Variants in DTD1 observed in about 807,000 individuals in gnomAD.
DTD1 encodes the protein D-aminoacyl-tRNA deacylase 1.
In DTD1, 13 loss-of-function variants were observed where a neutral mutation model predicts 25.6. The observed-to-expected ratio is 0.51, with a 90% confidence interval of 0.33 to 0.81. The LOEUF is 0.81. Among genes scored for constraint, DTD1 ranks in the 30% least tolerant of loss-of-function variants. The probability of loss-of-function intolerance (pLI) is 0.02; values close to 1 mark genes in which losing one functional copy is unlikely to be tolerated. For missense variants in DTD1, 193 were observed against 266.4 expected (o/e 0.72, Z 1.92); for synonymous variants, 110 against 103.6 (o/e 1.06, Z -0.37).
chr20:18,613,049 G>A (rs1411935849), intron 3 of DTD1, among the ~76,000 whole-genome samples: 1 of 152,098 alleles, frequency 6.6e-6, no homozygotes, highest in Non-Finnish European at 1.5e-5. Context: ...GGGGTTTTTG[G>A]GCCTCATTTG....
At chr20:18,762,290 G>T (rs543591512) in intron 5 of DTD1, among the ~76,000 whole-genome samples, 1 of 152,268 alleles carries the variant, frequency 6.6e-6, no homozygotes, top group South Asian at 2.1e-4. Context: ...AGATCTGAGG[G>T]AATAGAAACT....
chr20:18,683,380 T>C (rs2061004688), intron 4 of DTD1, among the ~76,000 whole-genome samples: 2 of 152,246 alleles, frequency 1.3e-5, no homozygotes, highest in Non-Finnish European at 2.9e-5. Flanking sequence ...CAATATTGTC[T>C]AAGACATTAT....
chr20:18,712,768 C>A (rs1053274048), intron 4 of DTD1, among the ~76,000 whole-genome samples: 1 of 152,202 alleles, frequency 6.6e-6, no homozygotes, highest in Non-Finnish European at 1.5e-5. Flanking sequence ...AAGCATAGAA[C>A]AATCATGACC....
chr20:18,621,537 A>C (rs1192467221), intron 3 of DTD1, among the ~76,000 whole-genome samples: 2 of 152,168 alleles, frequency 1.3e-5, no homozygotes, highest in African/African-American at 4.8e-5. Flanking sequence ...TTATTACTGA[A>C]GTACTTGCTT....
intron 4 of DTD1, among the ~76,000 whole-genome samples, chr20:18,673,345 A>G (rs1457086984): frequency 6.6e-6 from 1 of 152,202 alleles, no homozygotes; most frequent in African/African-American, 2.4e-5. Context: ...GAATATATCT[A>G]TGAATCATAT....
chr20:18,630,739 T>G (rs2060783905), intron 4 of DTD1: 1 of 152,230 alleles, frequency 6.6e-6, no homozygotes, highest in Non-Finnish European at 1.5e-5. Context: ...TAGTTGTCAT[T>G]TCTGCTTAGT....
chr20:18,681,337 G>T (rs2060995906), intron 4 of DTD1, among the ~76,000 whole-genome samples: 1 of 152,176 alleles, frequency 6.6e-6, no homozygotes, highest in South Asian at 2.1e-4. Context: ...ATTATTTTAA[G>T]CATTATAATG....
intron 4 of DTD1, among the ~76,000 whole-genome samples, chr20:18,733,921 C>T (rs546483277): frequency 8.5e-5 from 13 of 152,320 alleles, no homozygotes; most frequent in Admixed American, 2.0e-4. Context: ...GCACTCTACA[C>T]GGTGTGTTAT....
chr20:18,674,195 G>A (rs2060961174), intron 4 of DTD1, among the ~76,000 whole-genome samples: 1 of 152,052 alleles, frequency 6.6e-6, no homozygotes, highest in African/African-American at 2.4e-5. Context: ...TTGGAAGCCT[G>A]GCTGTCTTGA....
intron 4 of DTD1, among the ~76,000 whole-genome samples, chr20:18,668,281 G>A (rs1432078257): frequency 2.0e-5 from 3 of 152,208 alleles, no homozygotes; most frequent in African/African-American, 7.2e-5. Flanking sequence ...CTACCTGGTT[G>A]TAGGATATAG....
intron 4 of DTD1, among the ~76,000 whole-genome samples, chr20:18,670,279 A>G (rs778772698): frequency 3.3e-5 from 5 of 152,140 alleles, no homozygotes; most frequent in Non-Finnish European, 5.9e-5. Flanking sequence ...AACATGGCAA[A>G]ACTCCATCTC....
intron 5 of DTD1, among the ~76,000 whole-genome samples, chr20:18,763,063 T>C (rs537319737): frequency 7.9e-5 from 12 of 152,346 alleles, no homozygotes; most frequent in African/African-American, 2.9e-4. Flanking sequence ...TTTTGCCTGG[T>C]GACTTCTCTT....
chr20:18,600,278 G>A (rs755213454), intron 3 of DTD1, among the ~76,000 whole-genome samples: 2 of 152,150 alleles, frequency 1.3e-5, no homozygotes, highest in Non-Finnish European at 2.9e-5. Flanking sequence ...GATAATTTTT[G>A]TGAAGGGTCT....
At chr20:18,612,340 T>C (rs1416474489) in intron 3 of DTD1, among the ~76,000 whole-genome samples, 7 of 152,100 alleles carry the variant, frequency 4.6e-5, no homozygotes, top group African/African-American at 1.4e-4. Flanking sequence ...GGCCCACACA[T>C]GTTTATTATT....
At chr20:18,634,662 T>C (rs2060800566) in intron 4 of DTD1, among the ~76,000 whole-genome samples, 1 of 152,192 alleles carries the variant, frequency 6.6e-6, no homozygotes, top group Non-Finnish European at 1.5e-5. Flanking sequence ...GCCTGGACCT[T>C]GGAATGTCAA....
chr20:18,697,438 G>A (rs1005476738), intron 4 of DTD1, among the ~76,000 whole-genome samples: 1 of 152,078 alleles, frequency 6.6e-6, no homozygotes, highest in African/African-American at 2.4e-5. Flanking sequence ...ATTTTATATA[G>A]TGGTAGAGTA....
intron 4 of DTD1, among the ~76,000 whole-genome samples, chr20:18,666,127 C>T: frequency 6.6e-6 from 1 of 152,168 alleles, no homozygotes; most frequent in East Asian, 1.9e-4. Context: ...CCTTGTTTTT[C>T]ACCACCTTGA....
chr20:18,709,155 C>T (rs1378380272), intron 4 of DTD1, among the ~76,000 whole-genome samples: 1 of 152,012 alleles, frequency 6.6e-6, no homozygotes, highest in Non-Finnish European at 1.5e-5. Context: ...AGAATAAGAC[C>T]CTTTGAAAAG....
intron 5 of DTD1, among the ~76,000 whole-genome samples, chr20:18,756,519 A>C (rs2061340007): frequency 6.6e-6 from 1 of 152,196 alleles, no homozygotes; most frequent in Non-Finnish European, 1.5e-5. Flanking sequence ...CCATTTATTA[A>C]ATAGGAAATC....
Sources: gnomAD v4.1 joint callset for allele counts (sites outside exome capture counted in the v4.1 genomes callset) on GRCh38, gnomAD v4.1.1 for gene constraint, MANE v1.5 for transcripts, NCBI Gene and HGNC (gene_info 2026-07-23, HGNC 2026-07-21) for gene names.